ARAP2: variants seen among roughly 807,000 people sequenced by gnomAD.
ARAP2 encodes ArfGAP with RhoGAP domain, ankyrin repeat and PH domain 2.
Under a neutral mutation model 194.5 loss-of-function variants are expected in ARAP2, and 148 were observed. That is an observed-to-expected ratio of 0.76 (90% CI 0.67 to 0.87). The LOEUF is 0.87. Ranked by LOEUF, ARAP2 falls within the 40% of genes least tolerant of loss-of-function variation. The pLI, the probability that ARAP2 is intolerant of heterozygous loss-of-function variation, is 0.00. For synonymous variants in ARAP2, 695 were observed against 683.5 expected (o/e 1.02, Z -0.26); for missense variants, 2,128 against 1,989.7 (o/e 1.07, Z -1.32).
intron 6 of ARAP2, among the ~76,000 whole-genome samples, chr4:36,206,499 A>G (rs1745564551): frequency 1.3e-5 from 2 of 152,216 alleles, no homozygotes; most frequent in Admixed American, 1.3e-4. Flanking sequence ...TGTAGACAGA[A>G]GAGCATTTTA....
intron 8 of ARAP2, among the ~76,000 whole-genome samples, chr4:36,015,068 G>C (rs376707252): frequency 6.6e-6 from 1 of 152,128 alleles, no homozygotes; most frequent in African/African-American, 2.4e-5. Flanking sequence ...TGATGTTACT[G>C]AGTCACAAAT....
chr4:36,064,206 CTTTTT>C (rs3055214), downstream of ARAP2, among the ~76,000 whole-genome samples: 1 of 144,210 alleles, frequency 6.9e-6, no homozygotes, highest in African/African-American at 2.6e-5. Context: ...TTTTTTCTTT[CTTTTT>C]TTTTTTTTTT....
At chr4:36,192,720 G>C (rs1742192931) in intron 7 of ARAP2, among the ~76,000 whole-genome samples, 1 of 152,160 alleles carries the variant, frequency 6.6e-6, no homozygotes, top group Admixed American at 6.5e-5. Context: ...TTTTAAGGCT[G>C]GTCGTGGTAG....
intron 32 of ARAP2, among the ~76,000 whole-genome samples, chr4:36,069,065 G>C (rs1726198306): frequency 1.3e-5 from 2 of 152,002 alleles, no homozygotes. Flanking sequence ...TCACTGAAGT[G>C]TGAGCCTTGT....
chr4:36,081,146 C>T (rs979833286), intron 30 of ARAP2, among the ~76,000 whole-genome samples: 6 of 152,000 alleles, frequency 3.9e-5, no homozygotes, highest in Admixed American at 3.3e-4. Context: ...TCCCTATTAC[C>T]ATGTCCAGGC....
chr4:36,168,291 G>T (rs1484260218), intron 9 of ARAP2, among the ~76,000 whole-genome samples: 1 of 152,172 alleles, frequency 6.6e-6, no homozygotes, highest in South Asian at 2.1e-4. Context: ...GGAAGTAACT[G>T]CTAGAAGCAC....
At chr4:36,137,445 C>T (rs756342099) in intron 19 of ARAP2, among the ~76,000 whole-genome samples, 8 of 151,846 alleles carry the variant, frequency 5.3e-5, no homozygotes, top group Non-Finnish European at 8.8e-5. Context: ...TAAATTAACT[C>T]TGTGTAGAAA....
At chr4:36,221,328 A>T (rs1749121391) in intron 2 of ARAP2, among the ~76,000 whole-genome samples, 1 of 152,126 alleles carries the variant, frequency 6.6e-6, no homozygotes, top group African/African-American at 2.4e-5. Flanking sequence ...GTATACACAC[A>T]CACATATAGC....
At chr4:36,096,588 G>A (rs1257805749) in intron 27 of ARAP2, among the ~76,000 whole-genome samples, 3 of 152,014 alleles carry the variant, frequency 2.0e-5, no homozygotes, top group Admixed American at 6.6e-5. Flanking sequence ...TCACATTACT[G>A]ATCCTAACCA....
At position 36,147,296 on chromosome 4, in the gene ARAP2, C is replaced by A; in HGVS notation, c.3263G>T (p.Arg1088Ile). ...LDVLLLVEKG[R>I]TLYIHGHTKL... Reference sequence around the variant, plus strand: ...GAATAAAAAGCAAAAAGGCACTTACCTCCCTTTTTCTACCAAGAGTAAAAC... The same window carrying A: ...GAATAAAAAGCAAAAAGGCACTTACATCCCTTTTTCTACCAAGAGTAAAAC... Residue 1088 changes from arginine to isoleucine, a missense_variant and splice_region_variant, in exon 19 of 33, where the codon AGA becomes ATA. Arg to Ile is a moderately conservative substitution (Grantham distance 97). Coordinates refer to ENST00000303965, the MANE Select transcript of ARAP2 (RefSeq NM_015230.4). 1 of 1,612,430 alleles carries A rather than the reference C, an allele frequency of 6.2e-7. No individual in the cohort carries two copies. The highest frequency in any genetic ancestry group is 8.5e-7 in the Non-Finnish European group (1 of 1,178,788).
rs1018816489 is a variant in ARAP2 at position 36,140,386 on chromosome 4, T to C, written c.3263+6910A>G. On this transcript the variant is annotated intron_variant, in intron 19 of 32. Transcript: ENST00000303965. The stretch of plus-strand genomic sequence containing the variant: ...TTTTCTTTAACATAAAATCACTTAA[T>C]ATTTGTTTTGTAATAGTCTCTTTCT... Among the ~76,000 whole-genome samples the C allele has an allele frequency of 2.5e-4, 38 of 151,894 alleles. 1 individual carries two copies. The highest frequency in any genetic ancestry group is 8.9e-4 in the African/African-American group (37 of 41,512).
intron 32 of ARAP2, among the ~76,000 whole-genome samples, chr4:36,073,432 A>G (rs1343983660): frequency 6.6e-6 from 1 of 152,146 alleles, no homozygotes; most frequent in Non-Finnish European, 1.5e-5. Flanking sequence ...TTCTATACGC[A>G]TATTTTAAAT....
chr4:36,079,559 A>C (rs1424169805), intron 31 of ARAP2, among the ~76,000 whole-genome samples: 1 of 152,164 alleles, frequency 6.6e-6, no homozygotes, highest in South Asian at 2.1e-4. Context: ...AGTCCAATTA[A>C]TGGGACTATA....
chr4:36,070,754 T>C (rs1726657725), intron 32 of ARAP2, among the ~76,000 whole-genome samples: 2 of 152,240 alleles, frequency 1.3e-5, no homozygotes, highest in Admixed American at 1.3e-4. Context: ...CTCACTGTAT[T>C]ACTTAATCTT....
At chr4:36,080,336 G>C in intron 30 of ARAP2, 57 bp from the exon 31 acceptor site, 1 of 1,395,576 alleles carries the variant, frequency 7.2e-7, no homozygotes, top group Non-Finnish European at 1.0e-6. Context: ...CTGTTCTCTA[G>C]TGTATCTGCT....
intron 6 of ARAP2, 108 bp downstream of exon 6, chr4:36,210,282 G>A (rs1746461963): frequency 8.4e-6 from 8 of 955,404 alleles, no homozygotes; most frequent in Non-Finnish European, 1.2e-5. Flanking sequence ...CTGTGTATGT[G>A]TGTGTGTGGC....
intron 20 of ARAP2, among the ~76,000 whole-genome samples, chr4:36,132,831 C>T (rs1224788762): frequency 6.6e-6 from 1 of 151,872 alleles, no homozygotes; most frequent in East Asian, 1.9e-4. Context: ...CAGTTCATCA[C>T]TTCTAAAAAC....
At chr4:36,030,713 A>G (rs1168865407) in intron 5 of ARAP2, among the ~76,000 whole-genome samples, 1 of 150,552 alleles carries the variant, frequency 6.6e-6, no homozygotes, top group Non-Finnish European at 1.5e-5. Context: ...TCAGCTTCTA[A>G]TTTAGTCTTA....
intron 31 of ARAP2, among the ~76,000 whole-genome samples, chr4:36,076,814 T>C (rs894765269): frequency 2.0e-5 from 3 of 152,170 alleles, no homozygotes; most frequent in Admixed American, 6.6e-5. Context: ...GTGTATCTAA[T>C]AGGCATCTCA....
Sources: allele counts gnomAD v4.1 joint callset (sites outside exome capture counted in the v4.1 genomes callset), GRCh38; gene constraint gnomAD v4.1.1; transcripts MANE v1.5; gene names NCBI Gene and HGNC (gene_info 2026-07-23, HGNC 2026-07-21).